AFG2A: variants seen among roughly 807,000 people sequenced by gnomAD.
AFG2A encodes the protein ATPase family gene 2 protein homolog A.
At chr4:122,964,113 T>C in the AFG2A span, among the ~76,000 whole-genome samples, 1 of 152,180 alleles carries the variant, frequency 6.6e-6, no homozygotes, top group African/African-American at 2.4e-5. Context: ...TAATGAAATA[T>C]GAAAAATTTG....
chr4:123,170,888 C>A, the AFG2A span, among the ~76,000 whole-genome samples: 1 of 152,032 alleles, frequency 6.6e-6, no homozygotes, highest in African/African-American at 2.4e-5. Flanking sequence ...CCTACTCGGC[C>A]TCAATTTTCT....
the AFG2A span, among the ~76,000 whole-genome samples, chr4:123,216,831 AT>A: frequency 1.3e-5 from 2 of 151,158 alleles, no homozygotes; most frequent in African/African-American, 4.9e-5. Context: ...GTTTTTTCAA[AT>A]TTTTTTTGTA....
the AFG2A span, among the ~76,000 whole-genome samples, chr4:123,054,289 G>A: frequency 3.3e-5 from 5 of 152,242 alleles, no homozygotes; most frequent in South Asian, 4.2e-4. Context: ...CACAATTGTG[G>A]ATGGATGGAT....
At chr4:123,136,990 T>C in the AFG2A span, among the ~76,000 whole-genome samples, 1 of 152,128 alleles carries the variant, frequency 6.6e-6, no homozygotes, top group Non-Finnish European at 1.5e-5. Context: ...GGGGCGGGGG[T>C]TGGTTTCGGG....
At chr4:122,934,065 C>G in the AFG2A span, 2 of 1,515,852 alleles carry the variant, frequency 1.3e-6, no homozygotes, top group African/African-American at 1.4e-5. Flanking sequence ...AAAAATTATG[C>G]TAACATGTAT....
the AFG2A span, among the ~76,000 whole-genome samples, chr4:123,010,535 A>G: frequency 6.6e-6 from 1 of 152,212 alleles, no homozygotes; most frequent in African/African-American, 2.4e-5. Context: ...CAATGAGTGA[A>G]TACATAAATA....
the AFG2A span, chr4:123,318,405 G>A: frequency 6.6e-6 from 1 of 152,178 alleles, no homozygotes. Flanking sequence ...TATATCTTTA[G>A]TCTCTCATAA....
chr4:123,155,121 C>T, the AFG2A span, among the ~76,000 whole-genome samples: 11 of 152,088 alleles, frequency 7.2e-5, no homozygotes, highest in African/African-American at 2.7e-4. Context: ...GAGTCTCACT[C>T]TCGCCCAGGC....
At chr4:122,945,504 G>A in the AFG2A span, among the ~76,000 whole-genome samples, 8,095 of 152,004 alleles carry the variant, frequency 0.053, 672 homozygotes, top group African/African-American at 0.18. Context: ...GGAAAAGCGC[G>A]GTATTAGGGT....
chr4:123,016,399 C>A, the AFG2A span, among the ~76,000 whole-genome samples: 2 of 151,066 alleles, frequency 1.3e-5, no homozygotes, highest in Admixed American at 1.3e-4. Flanking sequence ...CTCCTCACTT[C>A]TCAGACAGGG....
At chr4:122,976,673 T>A in the AFG2A span, among the ~76,000 whole-genome samples, 2 of 152,194 alleles carry the variant, frequency 1.3e-5, no homozygotes, top group Admixed American at 6.5e-5. Context: ...TGTATGCACA[T>A]CACTCTGAAG....
the AFG2A span, among the ~76,000 whole-genome samples, chr4:123,088,162 G>A: frequency 6.6e-6 from 1 of 152,156 alleles, no homozygotes; most frequent in East Asian, 1.9e-4. Context: ...GAGCCATTGT[G>A]CACTTTATCC....
At chr4:123,080,748 G>A in the AFG2A span, among the ~76,000 whole-genome samples, 5 of 151,308 alleles carry the variant, frequency 3.3e-5, no homozygotes, top group Non-Finnish European at 5.9e-5. Flanking sequence ...TTTTTCATCC[G>A]GTGACTCCAT....
the AFG2A span, among the ~76,000 whole-genome samples, chr4:123,081,930 T>G: frequency 6.6e-6 from 1 of 152,216 alleles, no homozygotes; most frequent in Non-Finnish European, 1.5e-5. Flanking sequence ...ATTGTTTGTG[T>G]ATTTTCTTTG....
At chr4:123,263,870 G>A in the AFG2A span, among the ~76,000 whole-genome samples, 1 of 152,082 alleles carries the variant, frequency 6.6e-6, no homozygotes, top group East Asian at 1.9e-4. Context: ...TATCTACCCA[G>A]AGGAAATAAG....
the AFG2A span, among the ~76,000 whole-genome samples, chr4:123,168,765 A>G: frequency 6.6e-6 from 1 of 152,234 alleles, no homozygotes; most frequent in Non-Finnish European, 1.5e-5. Context: ...TAAAAGCTGT[A>G]AATATTATTA....
At chr4:123,240,800 T>C in the AFG2A span, among the ~76,000 whole-genome samples, 1 of 151,854 alleles carries the variant, frequency 6.6e-6, no homozygotes, top group South Asian at 2.1e-4. Context: ...CTGAAGGAGA[T>C]AGACACACAC....
the AFG2A span, among the ~76,000 whole-genome samples, chr4:122,951,344 T>C: frequency 6.6e-6 from 1 of 152,030 alleles, no homozygotes; most frequent in African/African-American, 2.4e-5. Context: ...AGGCTTGAGC[T>C]GTCCTTAGAT....
At chr4:123,224,286 G>T in the AFG2A span, among the ~76,000 whole-genome samples, 2 of 151,908 alleles carry the variant, frequency 1.3e-5, no homozygotes, top group Non-Finnish European at 2.9e-5. Flanking sequence ...ATGTATACAT[G>T]TGCCATGTTG....
Sources: gnomAD v4.1 joint callset for allele counts (sites outside exome capture counted in the v4.1 genomes callset) on GRCh38, gnomAD v4.1.1 for gene constraint, MANE v1.5 for transcripts, NCBI Gene and HGNC (gene_info 2026-07-23, HGNC 2026-07-21) for gene names.